The following MTARC2 variants were observed in gnomAD, a reference collection of about 807,000 sequenced individuals.
MTARC2 encodes mitochondrial amidoxime reducing component 2.
MTARC2 carries 27 observed loss-of-function variants against 35.6 expected under a neutral mutation model. The observed-to-expected ratio is 0.76, with a 90% CI of 0.56 to 1.04. The LOEUF is 1.04. MTARC2 is among the 50% of genes least tolerant of loss of function. The pLI is 0.00. For missense variants in MTARC2, 412 were observed against 432.5 expected, an observed-to-expected ratio of 0.95 and a Z score of 0.42; for synonymous variants, 158 against 167.1, an observed-to-expected ratio of 0.95 and a Z score of 0.42.
At chr1:220,771,165 G>C (rs897886035) in intron 4 of MTARC2, among the ~76,000 whole-genome samples, 15 of 152,148 alleles carry the variant, frequency 9.9e-5, no homozygotes, top group African/African-American at 3.4e-4. Context: ...TAGGCATGGT[G>C]GTGGATGCCT....
intron 1 of MTARC2, among the ~76,000 whole-genome samples, chr1:220,751,848 C>G (rs533096916): frequency 7.9e-5 from 12 of 152,266 alleles, no homozygotes; most frequent in African/African-American, 2.4e-4. Context: ...AATCTATGCT[C>G]CAGACTTATC....
intron 4 of MTARC2, among the ~76,000 whole-genome samples, chr1:220,764,666 A>G (rs1432288048): frequency 6.6e-6 from 1 of 151,980 alleles, no homozygotes; most frequent in Non-Finnish European, 1.5e-5. Context: ...GTGCGTGCCT[A>G]TAGTCCCAGC....
At chr1:220,764,096 ATT>A (rs879680096) in intron 4 of MTARC2, among the ~76,000 whole-genome samples, 7 of 143,086 alleles carry the variant, frequency 4.9e-5, no homozygotes, top group Admixed American at 7.0e-5. Flanking sequence ...ATGTGCCCTA[ATT>A]TTTTTTTTTT....
intron 1 of MTARC2, among the ~76,000 whole-genome samples, chr1:220,749,339 C>T (rs964012669): frequency 2.6e-5 from 4 of 152,076 alleles, no homozygotes; most frequent in African/African-American, 9.7e-5. Flanking sequence ...CCCCTTCTCC[C>T]ATAGGCAGAG....
At chr1:220,775,440 G>C (rs182061807) in intron 4 of MTARC2, among the ~76,000 whole-genome samples, 1 of 152,314 alleles carries the variant, frequency 6.6e-6, no homozygotes, top group East Asian at 1.9e-4. Flanking sequence ...ATTACCAGCA[G>C]GGGGCGCACT....
At chr1:220,777,510 G>A (rs779518454) in intron 4 of MTARC2, among the ~76,000 whole-genome samples, 1 of 152,204 alleles carries the variant, frequency 6.6e-6, no homozygotes. Context: ...AAGCGAAGCA[G>A]CCAGGGGAGT....
chr1:220,764,328 G>T (rs1182456654), intron 4 of MTARC2, among the ~76,000 whole-genome samples: 1 of 152,072 alleles, frequency 6.6e-6, no homozygotes, highest in Non-Finnish European at 1.5e-5. Flanking sequence ...CCTGACCTCA[G>T]GTGATCCACC....
intron 4 of MTARC2, among the ~76,000 whole-genome samples, chr1:220,775,103 G>A (rs1198119168): frequency 6.6e-6 from 1 of 152,166 alleles, no homozygotes; most frequent in African/African-American, 2.4e-5. Flanking sequence ...GATCTATGAA[G>A]GTTTCAAACA....
At chr1:220,774,830 C>T (rs1671849628) in intron 4 of MTARC2, among the ~76,000 whole-genome samples, 1 of 152,176 alleles carries the variant, frequency 6.6e-6, no homozygotes. Flanking sequence ...TGCACTCTCT[C>T]TGGCTATACA....
intron 4 of MTARC2, among the ~76,000 whole-genome samples, chr1:220,769,750 CT>C (rs1471474582): frequency 6.6e-6 from 1 of 151,700 alleles, no homozygotes. Flanking sequence ...TTCTCTCTCT[CT>C]CTCTTTCTCT....
chr1:220,774,574 G>A (rs796565702), intron 4 of MTARC2, among the ~76,000 whole-genome samples: 3,611 of 152,286 alleles, frequency 0.024, 110 homozygotes, highest in African/African-American at 0.064. Context: ...CTGCGACAGA[G>A]ATTAAGCAGA....
intron 3 of MTARC2, among the ~76,000 whole-genome samples, chr1:220,762,581 A>G (rs1470104126): frequency 6.6e-6 from 1 of 152,206 alleles, no homozygotes; most frequent in Non-Finnish European, 1.5e-5. Context: ...TTACTGGAGT[A>G]TAGCTGATTG....
intron 2 of MTARC2, among the ~76,000 whole-genome samples, chr1:220,758,593 T>C (rs1262759683): frequency 6.6e-6 from 1 of 152,066 alleles, no homozygotes; most frequent in Admixed American, 6.6e-5. Context: ...CTAATTTTTG[T>C]ATTTTAGTAG....
Position 220,770,585 on chromosome 1 carries a change from G to A in MTARC2, c.750+7535G>A, listed in dbSNP as rs962025258. The A allele has an allele frequency of 4.1e-6, 4 of 984,156 alleles. No homozygotes were observed. In the African/African-American group the frequency reaches 7.0e-5, roughly 17 times the overall value. The allele number at this position is 984,156 out of a possible 1,614,324, so 61.0% of individuals were successfully genotyped here. ...AGGCAGGATTGATCTCAGAGACCATGACCCCCCATACCTTTCTCTCGCTGT... is the reference window on the plus strand; with the variant it reads ...AGGCAGGATTGATCTCAGAGACCATAACCCCCCATACCTTTCTCTCGCTGT... On this transcript the variant is annotated intron_variant, in intron 4 of 7. Transcript: ENST00000366913.
chr1:220,780,839 G>T (rs72472400), intron 6 of MTARC2, among the ~76,000 whole-genome samples: 3,037 of 151,662 alleles, frequency 0.02, 117 homozygotes, highest in African/African-American at 0.069. Context: ...TCCAAATGTA[G>T]GCCTTAAACA....
chr1:220,764,471 C>G (rs1045393111), intron 4 of MTARC2, among the ~76,000 whole-genome samples: 24 of 152,234 alleles, frequency 1.6e-4, no homozygotes, highest in African/African-American at 5.8e-4. Flanking sequence ...CATGTAGGCA[C>G]TCCGTATTAT....
chr1:220,768,988 A>G (rs1265637695), intron 4 of MTARC2, among the ~76,000 whole-genome samples: 1 of 152,184 alleles, frequency 6.6e-6, no homozygotes, highest in African/African-American at 2.4e-5. Context: ...GATTAGGAAA[A>G]GCTCCAGTGA....
chr1:220,758,576 C>T (rs535262849), intron 2 of MTARC2, among the ~76,000 whole-genome samples: 8 of 152,202 alleles, frequency 5.3e-5, no homozygotes, highest in African/African-American at 1.7e-4. Context: ...TGCACCACCA[C>T]ACCCGGCTAA....
chr1:220,774,031 G>A (rs917859071), intron 4 of MTARC2, among the ~76,000 whole-genome samples: 2 of 149,564 alleles, frequency 1.3e-5, no homozygotes, highest in African/African-American at 4.9e-5. Flanking sequence ...GCAACACCTT[G>A]AAAAGTGTTC....
Sources: gnomAD v4.1 joint callset for allele counts (sites outside exome capture counted in the v4.1 genomes callset) on GRCh38, gnomAD v4.1.1 for gene constraint, MANE v1.5 for transcripts, NCBI Gene and HGNC (gene_info 2026-07-23, HGNC 2026-07-21) for gene names.